The following MYLK variants were observed in gnomAD, a reference collection of about 807,000 sequenced individuals.
MYLK encodes myosin light chain kinase.
In MYLK, 106 loss-of-function variants were observed where a neutral mutation model predicts 203.4. The ratio of observed to expected loss-of-function variants is 0.52; its 90% CI spans 0.45 to 0.61. The LOEUF is 0.61. Ranked by LOEUF, MYLK falls within the 20% of genes least tolerant of loss-of-function variation. MYLK has a pLI of 0.00. For synonymous variants in MYLK, 867 were observed against 959.5 expected (o/e 0.90, Z 1.78); for missense variants, 2,072 against 2,442.3 (o/e 0.85, Z 3.20).
intron 23 of MYLK, among the ~76,000 whole-genome samples, chr3:123,658,271 T>G (rs1461489968): frequency 6.6e-6 from 1 of 152,092 alleles, no homozygotes; most frequent in Non-Finnish European, 1.5e-5. Flanking sequence ...GGACAGAAAA[T>G]GAGCTGAGGA....
intron 5 of MYLK, among the ~76,000 whole-genome samples, chr3:123,748,094 T>C (rs2063075827): frequency 6.6e-6 from 1 of 152,164 alleles, no homozygotes; most frequent in African/African-American, 2.4e-5. Flanking sequence ...ATGGCACCAG[T>C]ATCTGCTCTT....
At chr3:123,827,459 C>T (rs961490022) in intron 3 of MYLK, among the ~76,000 whole-genome samples, 4 of 151,496 alleles carry the variant, frequency 2.6e-5, no homozygotes, top group Non-Finnish European at 5.9e-5. Flanking sequence ...CAGGAGATTT[C>T]TCAAAAGGAA....
chr3:123,860,319 C>T (rs865780166), intron 2 of MYLK, among the ~76,000 whole-genome samples: 3 of 152,278 alleles, frequency 2.0e-5, no homozygotes, highest in South Asian at 4.2e-4. Flanking sequence ...ACAAGGCCTG[C>T]GTTGCACTGG....
At chr3:123,685,438 C>T (rs1401491965) in intron 19 of MYLK, among the ~76,000 whole-genome samples, 1 of 151,924 alleles carries the variant, frequency 6.6e-6, no homozygotes, top group Non-Finnish European at 1.5e-5. Flanking sequence ...ACAAAATTTA[C>T]AAAAATTAGC....
intron 5 of MYLK, among the ~76,000 whole-genome samples, chr3:123,748,287 A>T (rs182457565): frequency 3.3e-5 from 5 of 152,354 alleles, no homozygotes; most frequent in African/African-American, 9.6e-5. Context: ...TAAGCCATTC[A>T]TGAGGGATCC....
chr3:123,801,424 A>T (rs987943924), intron 3 of MYLK, among the ~76,000 whole-genome samples: 8 of 152,178 alleles, frequency 5.3e-5, no homozygotes, highest in Admixed American at 4.6e-4. Flanking sequence ...TTTTCCCTTT[A>T]AAAAAAACTT....
intron 4 of MYLK, among the ~76,000 whole-genome samples, chr3:123,792,095 C>T (rs1388192782): frequency 6.6e-6 from 1 of 152,172 alleles, no homozygotes; most frequent in Non-Finnish European, 1.5e-5. Context: ...ATGCAAGTTC[C>T]AAATCGAGTC....
chr3:123,750,051 G>A (rs1384392836), intron 5 of MYLK, among the ~76,000 whole-genome samples: 1 of 152,242 alleles, frequency 6.6e-6, no homozygotes, highest in East Asian at 1.9e-4. Flanking sequence ...CATGGCAGAA[G>A]GGCCCAGAGT....
chr3:123,700,986 A>G lies in MYLK; in HGVS notation c.2482T>C (p.Cys828Arg). The G allele has an allele frequency of 6.2e-7, 1 of 1,606,246 alleles. No homozygotes were observed. Among genetic ancestry groups the G allele is most frequent in the Non-Finnish European group, 8.5e-7 (1 of 1,179,940 alleles). The change falls in exon 18 of 34, where the codon TGC becomes CGC. Residue 828 changes from cysteine (C) to arginine (R), a missense_variant. Transcript: ENST00000360304. ...ACTCCTCCACCACAGAGGTCCTCGC[A>G]GCTGGCAGGCTCCCTCCCCCTGCAA... Reference protein sequence around the residue: ...ALPRGREPASCEDLCGGGVGA... With the variant: ...ALPRGREPASREDLCGGGVGA...
chr3:123,682,266 G>A lies in MYLK; in HGVS notation c.3610C>T (p.Arg1204Trp), dbSNP rs151294221. The A allele has an allele frequency of 1.5e-4, 235 of 1,603,954 alleles. No homozygotes were observed. Among genetic ancestry groups the A allele is most frequent in the African/African-American group, 2.0e-4 (15 of 74,836 alleles). The stretch of plus-strand genomic sequence containing the variant: ...GGAGGAAGAGAGCTCTTGGGCCTCC[G>A]GGATTTCATCTCTGGGGCCTTGGTG... ...ENTKAPEMKS[R>W]RPKSSLPPVL... Residue 1204 changes from arginine to tryptophan, a missense_variant, in exon 20 of 34, where the codon CGG becomes TGG. Arg to Trp is a moderately radical substitution (Grantham distance 101, BLOSUM62 -3). Around this residue, in one of 3 missense-constraint regions of MYLK, gnomAD observed 865 missense variants for 1,016.0 expected, o/e 0.85. Coordinates refer to ENST00000360304, the MANE Select transcript of MYLK (RefSeq NM_053025.4).
intron 4 of MYLK, among the ~76,000 whole-genome samples, chr3:123,782,185 C>T (rs780877017): frequency 5.9e-5 from 9 of 152,188 alleles, no homozygotes; most frequent in Non-Finnish European, 1.2e-4. Flanking sequence ...CAGTCCAGGG[C>T]TCTTTCCACA....
intron 31 of MYLK, 39 bp downstream of exon 31, chr3:123,626,779 G>T: frequency 1.2e-6 from 2 of 1,613,852 alleles, no homozygotes; most frequent in South Asian, 1.1e-5. Flanking sequence ...ACACAAATAT[G>T]AGGGGCAACA....
intron 4 of MYLK, among the ~76,000 whole-genome samples, chr3:123,755,854 T>C (rs2063343205): frequency 6.6e-6 from 1 of 152,198 alleles, no homozygotes; most frequent in South Asian, 2.1e-4. Flanking sequence ...TACTTGACTC[T>C]TGCAGCTATG....
intron 3 of MYLK, among the ~76,000 whole-genome samples, chr3:123,799,642 C>T (rs956670514): frequency 2.6e-5 from 4 of 152,182 alleles, no homozygotes; most frequent in Admixed American, 2.0e-4. Context: ...AAACCACCCA[C>T]GTGCAAATGC....
At chr3:123,813,883 C>G (rs2065649972) in intron 3 of MYLK, among the ~76,000 whole-genome samples, 1 of 152,130 alleles carries the variant, frequency 6.6e-6, no homozygotes. Flanking sequence ...CCTCCAACCT[C>G]CTTTTCAATA....
intron 2 of MYLK, among the ~76,000 whole-genome samples, chr3:123,832,302 T>C (rs866065410): frequency 6.6e-6 from 1 of 152,182 alleles, no homozygotes; most frequent in Non-Finnish European, 1.5e-5. Flanking sequence ...TTCTCCTCCC[T>C]TCAGACACTT....
chr3:123,871,123 T>C (rs2032757196), intron 2 of MYLK, among the ~76,000 whole-genome samples: 2 of 152,130 alleles, frequency 1.3e-5, no homozygotes, highest in Non-Finnish European at 2.9e-5. Context: ...AGGCTTTTAC[T>C]AAAGCTCTCC....
At chr3:123,767,345 GC>G (rs2063738858) in intron 4 of MYLK, among the ~76,000 whole-genome samples, 1 of 152,222 alleles carries the variant, frequency 6.6e-6, no homozygotes, top group South Asian at 2.1e-4. Flanking sequence ...GGTGGCTCAT[GC>G]CTGTAATTCC....
chr3:123,826,936 T>A (rs890921619), intron 3 of MYLK, among the ~76,000 whole-genome samples: 11 of 152,102 alleles, frequency 7.2e-5, no homozygotes, highest in Non-Finnish European at 1.6e-4. Context: ...CTACAAAGCC[T>A]ACTTCATAAA....
Sources: allele counts gnomAD v4.1 joint callset (sites outside exome capture counted in the v4.1 genomes callset), GRCh38; gene constraint gnomAD v4.1.1; regional missense constraint gnomAD v4.1.1; transcripts MANE v1.5; gene names NCBI Gene and HGNC (gene_info 2026-07-23, HGNC 2026-07-21).